TASOR: variants seen among roughly 807,000 people sequenced by gnomAD.
TASOR encodes the protein transcription activation suppressor.
Under a neutral mutation model 178.6 loss-of-function variants are expected in TASOR, and 53 were observed. That is an observed-to-expected ratio of 0.30 (90% CI 0.24 to 0.37). The LOEUF is 0.37. Among genes scored for constraint, TASOR ranks in the 10% least tolerant of loss-of-function variants. TASOR has a pLI of 1.00. For synonymous variants in TASOR, 713 were observed against 696.2 expected (o/e 1.02, Z -0.38); for missense variants, 1,815 against 1,971.4 (o/e 0.92, Z 1.50).
rs961375827 is a variant in TASOR at position 56,622,235 on chromosome 3, C to T, written c.*802G>A. Reference sequence around the variant, plus strand: ...ATAGATACGGGTTTGAAAGCTATCTCCACTGTATCTGTCTAGTATAGCATT... The same window carrying T: ...ATAGATACGGGTTTGAAAGCTATCTTCACTGTATCTGTCTAGTATAGCATT... On this transcript the variant is annotated 3_prime_UTR_variant, in exon 24 of 24. Transcript: ENST00000683822. 1 of 152,100 alleles carries T rather than the reference C, an allele frequency of 6.6e-6. No homozygotes were observed. Among genetic ancestry groups the T allele is most frequent in the Non-Finnish European group, 1.5e-5 (1 of 68,006 alleles). The allele number at this position is 152,100 out of a possible 1,614,324, so 9.4% of individuals were successfully genotyped here.
intron 7 of TASOR, 134 bp from the exon 8 acceptor site, chr3:56,663,706 G>A: frequency 9.2e-7 from 1 of 1,088,816 alleles, no homozygotes; most frequent in Non-Finnish European, 1.1e-6. Flanking sequence ...GAAGAACAAA[G>A]AAATTACTCA....
intron 17 of TASOR, among the ~76,000 whole-genome samples, chr3:56,635,489 C>CT (rs35861974): frequency 0.37 from 56,366 of 151,926 alleles, 10,991 homozygotes; most frequent in East Asian, 0.58. Context: ...GGGGAAGAAT[C>CT]TAAGTGTTCC....
chr3:56,674,682 G>A (rs2031116042), intron 1 of TASOR, among the ~76,000 whole-genome samples: 1 of 152,094 alleles, frequency 6.6e-6, no homozygotes, highest in Admixed American at 6.5e-5. Context: ...TAAAATGCAG[G>A]TAAATAAATT....
Position 56,624,612 on chromosome 3 carries a change from T to C in TASOR, c.4350A>G (p.Thr1450=). Residue 1450 remains threonine, a synonymous_variant, in exon 23 of 24, where the codon ACA becomes ACG. Transcript: ENST00000683822. ...CAGTTGCAACCACTATTCCATTATCTGTATAACTGGAAAGCATCTTGATGT... is the reference window on the plus strand; with the variant it reads ...CAGTTGCAACCACTATTCCATTATCCGTATAACTGGAAAGCATCTTGATGT... The part of the protein sequence containing the change: ...EKNIKMLSSY[T]DNGIVVATAE... 6.2e-7 allele frequency: 1 copy of C among 1,613,392 alleles called. No individual in the cohort carries two copies. The highest frequency in any genetic ancestry group is 8.5e-7 in the Non-Finnish European group (1 of 1,179,798).
At chr3:56,682,624 G>C in intron 1 of TASOR, 52 bp downstream of exon 1, 1 of 1,400,054 alleles carries the variant, frequency 7.1e-7, no homozygotes, top group African/African-American at 1.5e-5. Flanking sequence ...AGATTCTAAT[G>C]AAAAGATGGA....
At chr3:56,646,466 A>G in intron 14 of TASOR, 56 bp downstream of exon 14, 1 of 1,419,924 alleles carries the variant, frequency 7.0e-7, no homozygotes, top group East Asian at 2.3e-5. Context: ...CTCTGCTACA[A>G]GAAAGAACAG....
At chr3:56,630,634 A>T (rs2076889693) in intron 18 of TASOR, among the ~76,000 whole-genome samples, 1 of 152,186 alleles carries the variant, frequency 6.6e-6, no homozygotes, top group Non-Finnish European at 1.5e-5. Flanking sequence ...ACCTAAGGTC[A>T]GGAGTTCGAG....
chr3:56,635,450 C>T (rs1043132140), intron 17 of TASOR, among the ~76,000 whole-genome samples: 7 of 151,756 alleles, frequency 4.6e-5, no homozygotes, highest in African/African-American at 1.5e-4. Flanking sequence ...GAAGGATACA[C>T]GAGAAATTGG....
intron 21 of TASOR, among the ~76,000 whole-genome samples, chr3:56,626,256 A>T (rs1039280682): frequency 1.3e-5 from 2 of 152,238 alleles, no homozygotes; most frequent in Non-Finnish European, 2.9e-5. Context: ...TGTTCCAAAG[A>T]TCACACTTGG....
At chr3:56,680,009 GA>G (rs2031654723) in intron 1 of TASOR, among the ~76,000 whole-genome samples, 2 of 152,100 alleles carry the variant, frequency 1.3e-5, no homozygotes, top group Admixed American at 1.3e-4. Flanking sequence ...CCCCAAGGAT[GA>G]AAACATACTA....
chr3:56,639,853 C>T, intron 16 of TASOR, 133 bp downstream of exon 16: 1 of 714,064 alleles, frequency 1.4e-6, no homozygotes, highest in East Asian at 2.7e-5. Context: ...AAATAAGACA[C>T]TGAAGATGTC....
chr3:56,677,763 C>T (rs1353905546), intron 1 of TASOR, among the ~76,000 whole-genome samples: 1 of 152,116 alleles, frequency 6.6e-6, no homozygotes, highest in Non-Finnish European at 1.5e-5. Context: ...CTCTTTCTAC[C>T]TTCCTATCTT....
intron 4 of TASOR, 130 bp from the exon 5 acceptor site, chr3:56,669,921 C>G: frequency 1.1e-6 from 1 of 883,006 alleles, no homozygotes; most frequent in Non-Finnish European, 1.7e-6. Context: ...AAAGATAAAA[C>G]TGATCTTACA....
chr3:56,624,383 G>T, intron 23 of TASOR, 96 bp downstream of exon 23: 2 of 1,243,560 alleles, frequency 1.6e-6, no homozygotes, highest in Non-Finnish European at 2.3e-6. Flanking sequence ...ACTGAGGTAC[G>T]TGGTTTCAAA....
At chr3:56,651,014 A>G (rs2077341194) in intron 11 of TASOR, among the ~76,000 whole-genome samples, 2 of 152,080 alleles carry the variant, frequency 1.3e-5, no homozygotes, top group Non-Finnish European at 2.9e-5. Flanking sequence ...TTAACCTCTC[A>G]CTCACTCCAA....
At chr3:56,665,291 G>A (rs907272374) in intron 7 of TASOR, among the ~76,000 whole-genome samples, 1 of 152,174 alleles carries the variant, frequency 6.6e-6, no homozygotes, top group Non-Finnish European at 1.5e-5. Flanking sequence ...GGTGAGGCAT[G>A]AGCATCCTTT....
chr3:56,664,434 T>C (rs1247384303), intron 7 of TASOR: 2 of 152,228 alleles, frequency 1.3e-5, no homozygotes, highest in African/African-American at 4.8e-5. Flanking sequence ...ATCATAAATT[T>C]AGAGCCACAA....
In TASOR at chr3:56,666,392, T is replaced by A; in HGVS notation, c.898-8A>T. 10 of 1,469,096 alleles carry A rather than the reference T, an allele frequency of 6.8e-6. No homozygotes were observed. Among genetic ancestry groups the A allele is most frequent in the Non-Finnish European group, 9.0e-6 (10 of 1,111,670 alleles). The allele number at this position is 1,469,096 out of a possible 1,614,324, so 91.0% of individuals were successfully genotyped here. On this transcript the variant is annotated splice_region_variant and splice_polypyrimidine_tract_variant and intron_variant, in intron 6 of 23. Coordinates refer to ENST00000683822, the MANE Select transcript of TASOR (RefSeq NM_001365635.2). The stretch of plus-strand genomic sequence containing the variant: ...ATACTCATAAAAATAATACTAAAAA[T>A]AAGAAAATGAAAAATTAACTTCTTT...
intron 16 of TASOR, 55 bp downstream of exon 16, chr3:56,639,931 A>T: frequency 6.6e-7 from 1 of 1,505,526 alleles, no homozygotes; most frequent in Non-Finnish European, 9.0e-7. Flanking sequence ...AACATTCAGG[A>T]AACTGGTCTC....
Sources: allele counts gnomAD v4.1 joint callset (sites outside exome capture counted in the v4.1 genomes callset), GRCh38; gene constraint gnomAD v4.1.1; transcripts MANE v1.5; gene names NCBI Gene and HGNC (gene_info 2026-07-23, HGNC 2026-07-21).